The following RALA variants were observed in gnomAD, a reference collection of about 807,000 sequenced individuals.
The protein encoded by RALA is ras-related protein Ral-A.
Under a neutral mutation model 24.0 loss-of-function variants are expected in RALA, and 5 were observed. The ratio of observed to expected loss-of-function variants is 0.21; its 90% CI spans 0.11 to 0.44. RALA has a LOEUF of 0.44. RALA is among the 20% of genes least tolerant of loss of function. RALA has a pLI of 0.99. For synonymous variants in RALA, 77 were observed against 83.8 expected, an observed-to-expected ratio of 0.92 and a Z score of 0.44; for missense variants, 95 against 241.2, an observed-to-expected ratio of 0.39 and a Z score of 4.01.
chr7:39,667,967 A>C (rs956016846), intron 1 of RALA, among the ~76,000 whole-genome samples: 1 of 152,248 alleles, frequency 6.6e-6, no homozygotes, highest in Non-Finnish European at 1.5e-5. Flanking sequence ...GAAACTTACT[A>C]TAGTGGACTG....
At chr7:39,675,719 T>C (rs1232285003) in intron 1 of RALA, among the ~76,000 whole-genome samples, 1 of 146,504 alleles carries the variant, frequency 6.8e-6, no homozygotes, top group East Asian at 2.0e-4. Context: ...GGCAACAGAG[T>C]GAGACCATGT....
chr7:39,679,544 A>T (rs923730691), intron 1 of RALA, among the ~76,000 whole-genome samples: 7 of 152,138 alleles, frequency 4.6e-5, no homozygotes, highest in African/African-American at 1.7e-4. Flanking sequence ...TTTTTTGCCC[A>T]ATTTCCTGCA....
intron 1 of RALA, among the ~76,000 whole-genome samples, chr7:39,647,287 C>T (rs1380082683): frequency 1.3e-5 from 2 of 152,132 alleles, no homozygotes; most frequent in African/African-American, 2.4e-5. Context: ...AAGTGGTACA[C>T]CCCCCTTGAT....
At chr7:39,704,725 G>A (rs970562148) in intron 4 of RALA, among the ~76,000 whole-genome samples, 1 of 151,660 alleles carries the variant, frequency 6.6e-6, no homozygotes, top group Admixed American at 6.6e-5. Flanking sequence ...GCCCAGGCTG[G>A]AGTGCAGTGG....
chr7:39,693,599 G>A (rs974076088), intron 3 of RALA, among the ~76,000 whole-genome samples: 8 of 152,122 alleles, frequency 5.3e-5, no homozygotes, highest in African/African-American at 9.7e-5. Context: ...CATTCAGGCC[G>A]TCATTCACAA....
chr7:39,629,131 A>G (rs1791548379), intron 1 of RALA, among the ~76,000 whole-genome samples: 1 of 152,350 alleles, frequency 6.6e-6, no homozygotes, highest in South Asian at 2.1e-4. Flanking sequence ...GGATAAATGC[A>G]TATGTAGAGT....
chr7:39,684,875 T>TATTC (rs755658436), intron 1 of RALA, among the ~76,000 whole-genome samples: 6 of 152,300 alleles, frequency 3.9e-5, no homozygotes, highest in South Asian at 2.1e-4. Flanking sequence ...AACATTTGTG[T>TATTC]ATTCATTCAT....
intron 4 of RALA, among the ~76,000 whole-genome samples, chr7:39,699,118 G>GTTTTTTTTTTTTTTTTT (rs1209729467): frequency 2.4e-5 from 2 of 84,146 alleles, no homozygotes; most frequent in African/African-American, 9.4e-5. Flanking sequence ...TGCTAAAAAT[G>GTTTTTTTTTTTTTTTTT]TTATTTTTTT....
intron 3 of RALA, among the ~76,000 whole-genome samples, chr7:39,695,786 A>AG (rs1792908438): frequency 6.6e-6 from 1 of 152,130 alleles, no homozygotes; most frequent in South Asian, 2.1e-4. Flanking sequence ...TTACGTTCCT[A>AG]TAGCTTCAAC....
intron 1 of RALA, among the ~76,000 whole-genome samples, chr7:39,682,857 GCTGGTCTC>G (rs1213046797): frequency 7.9e-5 from 12 of 152,208 alleles, no homozygotes; most frequent in African/African-American, 2.9e-4. Flanking sequence ...TGTTGGCCAG[GCTGGTCTC>G]CTGACCTCAA....
At chr7:39,636,413 A>C (rs912141307) in intron 1 of RALA, among the ~76,000 whole-genome samples, 1 of 152,184 alleles carries the variant, frequency 6.6e-6, no homozygotes, top group African/African-American at 2.4e-5. Flanking sequence ...TAGTGAATAT[A>C]ATTTCTGTCT....
intron 1 of RALA, among the ~76,000 whole-genome samples, chr7:39,630,432 G>C (rs948446637): frequency 6.6e-6 from 1 of 151,856 alleles, no homozygotes; most frequent in African/African-American, 2.4e-5. Context: ...AATATTAACC[G>C]TTTAATTTTG....
intron 1 of RALA, among the ~76,000 whole-genome samples, chr7:39,654,706 A>AT (rs1239953483): frequency 6.6e-6 from 1 of 151,946 alleles, no homozygotes; most frequent in African/African-American, 2.4e-5. Flanking sequence ...TTTTGAGTTA[A>AT]TTTTTTTGTA....
chr7:39,643,725 G>A (rs1401469323), intron 1 of RALA, among the ~76,000 whole-genome samples: 3 of 151,970 alleles, frequency 2.0e-5, no homozygotes, highest in East Asian at 1.9e-4. Flanking sequence ...GTGTCGTGGC[G>A]CACGCCTGTA....
chr7:39,703,659 C>G (rs1370394765), intron 4 of RALA, among the ~76,000 whole-genome samples: 1 of 152,030 alleles, frequency 6.6e-6, no homozygotes, highest in Non-Finnish European at 1.5e-5. Context: ...GTGAATAGTT[C>G]TAGGAAATAG....
intron 1 of RALA, among the ~76,000 whole-genome samples, chr7:39,655,030 TGA>T (rs1006711314): frequency 6.6e-6 from 1 of 152,236 alleles, no homozygotes; most frequent in Non-Finnish European, 1.5e-5. Flanking sequence ...ATTATAGTCA[TGA>T]GCCACCACGC....
intron 1 of RALA, among the ~76,000 whole-genome samples, chr7:39,674,098 G>T (rs944097681): frequency 4.0e-5 from 6 of 148,914 alleles, no homozygotes; most frequent in East Asian, 3.9e-4. Flanking sequence ...AAAGGTTGAG[G>T]GGGGGTGGTC....
chr7:39,636,286 A>G (rs1405701357), intron 1 of RALA, among the ~76,000 whole-genome samples: 3 of 152,234 alleles, frequency 2.0e-5, no homozygotes, highest in Admixed American at 1.3e-4. Flanking sequence ...AGACCAGCCA[A>G]ACTTCTAAAG....
intron 4 of RALA, among the ~76,000 whole-genome samples, chr7:39,699,583 G>T (rs1762110609): frequency 6.6e-6 from 1 of 152,152 alleles, no homozygotes; most frequent in Admixed American, 6.6e-5. Flanking sequence ...ATGGAGTTTT[G>T]CCCAACCATT....
Sources: allele counts gnomAD v4.1 joint callset (sites outside exome capture counted in the v4.1 genomes callset), GRCh38; gene constraint gnomAD v4.1.1; transcripts MANE v1.5; gene names NCBI Gene and HGNC (gene_info 2026-07-23, HGNC 2026-07-21).